DNAH14: variants seen among roughly 807,000 people sequenced by gnomAD.
DNAH14 encodes the protein axonemal beta dynein heavy chain 14.
A neutral mutation model predicts 520.9 loss-of-function variants in DNAH14; 478 were observed. The ratio of observed to expected loss-of-function variants is 0.92; its 90% CI spans 0.85 to 0.99. The LOEUF (loss-of-function observed/expected upper bound fraction) is 0.99. Among genes scored for constraint, DNAH14 ranks in the 50% least tolerant of loss-of-function variants. The probability of loss-of-function intolerance (pLI) is 0.00; values close to 1 mark genes in which losing one functional copy is unlikely to be tolerated. For missense variants in DNAH14, 4,831 were observed against 5,234.5 expected (o/e 0.92, Z 2.38); for synonymous variants, 1,581 against 1,757.2 (o/e 0.90, Z 2.51).
intron 4 of DNAH14, chr1:224,961,214 C>T (rs2060824146): frequency 6.6e-6 from 1 of 152,096 alleles, no homozygotes; most frequent in Admixed American, 6.6e-5. Flanking sequence ...AATAGAGCCT[C>T]CAAATGAGAA....
At chr1:225,128,839 A>G (rs1209246446) in intron 27 of DNAH14, among the ~76,000 whole-genome samples, 2 of 151,168 alleles carry the variant, frequency 1.3e-5, no homozygotes, top group Non-Finnish European at 2.9e-5. Flanking sequence ...GGAGAATGAA[A>G]TAAAGAGTAT....
chr1:224,990,559 T>C (rs2062967013), intron 8 of DNAH14, among the ~76,000 whole-genome samples: 1 of 152,224 alleles, frequency 6.6e-6, no homozygotes, highest in African/African-American at 2.4e-5. Flanking sequence ...ACATGTGTCA[T>C]TTGTTTTTTT....
chr1:225,100,878 C>T lies in DNAH14; in HGVS notation c.3861C>T (p.Ser1287=). 3 of 1,495,254 alleles carry T rather than the reference C, an allele frequency of 2.0e-6. No homozygotes were observed. Among genetic ancestry groups the T allele is most frequent in the Non-Finnish European group, 2.7e-6 (3 of 1,129,224 alleles). 92.6% of individuals were successfully genotyped at this position (1,495,254 alleles called of 1,614,324 possible). ...CNIHLEHIKK[S]LEDYLEVKRL... ...TACATCTTGAACATATAAAGAAAAGCCTTGAGGTAAAACTATAGCAATTCT... is the reference window on the plus strand; with the variant it reads ...TACATCTTGAACATATAAAGAAAAGTCTTGAGGTAAAACTATAGCAATTCT... Residue 1287 remains serine (S), a synonymous_variant, in exon 23 of 86, where the codon AGC becomes AGT. Transcript: ENST00000682510.
chr1:225,185,610 TA>T (rs1435662630), intron 37 of DNAH14, among the ~76,000 whole-genome samples, 185 bp downstream of exon 37: 1 of 152,002 alleles, frequency 6.6e-6, no homozygotes, highest in African/African-American at 2.4e-5. Flanking sequence ...ATTACTAGTT[TA>T]AAGAAACTAT....
At chr1:225,019,290 A>C (rs962341954) in intron 10 of DNAH14, among the ~76,000 whole-genome samples, 1 of 152,220 alleles carries the variant, frequency 6.6e-6, no homozygotes, top group African/African-American at 2.4e-5. Flanking sequence ...ATCAGCTAAA[A>C]CAGACCTTAA....
Position 225,153,798 on chromosome 1 carries a change from G to C in DNAH14, c.5245G>C (p.Ala1749Pro). 6.5e-7 allele frequency: 1 copy of C among 1,549,688 alleles called. No homozygotes were observed. Among genetic ancestry groups the C allele is most frequent in the Non-Finnish European group, 8.7e-7 (1 of 1,145,834 alleles). Residue 1749 changes from alanine to proline, a missense_variant, in exon 34 of 86, where the codon GCT becomes CCT. Coordinates refer to ENST00000682510, the MANE Select transcript of DNAH14 (RefSeq NM_001367479.1). ...ATCTCTGAAGATAGTTTTAATAATGGCTGGAACGAAGAAACGGGAGTTTAA... is the reference window on the plus strand; with the variant it reads ...ATCTCTGAAGATAGTTTTAATAATGCCTGGAACGAAGAAACGGGAGTTTAA... Reference protein sequence around the residue: ...LRSLKIVLIMAGTKKREFKCD... With the variant: ...LRSLKIVLIMPGTKKREFKCD...
chr1:225,127,608 A>G (rs2148923483), intron 27 of DNAH14, among the ~76,000 whole-genome samples: 1 of 152,122 alleles, frequency 6.6e-6, no homozygotes, highest in Non-Finnish European at 1.5e-5. Flanking sequence ...GTGTCTCTGC[A>G]CGTGAGATGG....
chr1:225,076,135 T>C (rs2072249418), intron 17 of DNAH14, among the ~76,000 whole-genome samples: 1 of 152,210 alleles, frequency 6.6e-6, no homozygotes, highest in Admixed American at 6.5e-5. Flanking sequence ...CTGGGGTCAC[T>C]GGGCTTAGTC....
chr1:225,052,440 G>A (rs2068628305), intron 17 of DNAH14, among the ~76,000 whole-genome samples: 1 of 152,128 alleles, frequency 6.6e-6, no homozygotes, highest in East Asian at 1.9e-4. Flanking sequence ...ACCCTCAGTT[G>A]TACCTCAGAC....
Position 224,939,442 on chromosome 1 carries a change from G to A in DNAH14, c.-34+9607G>A, listed in dbSNP as rs527653369. Among the ~76,000 whole-genome samples the A allele has an allele frequency of 2.5e-3, 380 of 152,156 alleles. 2 individuals are homozygous for A. The highest frequency in any genetic ancestry group is 8.4e-3 in the African/African-American group (350 of 41,500). ...TCCCAGCACTTTGGGATGCCCAGGT[G>A]GGTGGATCACGAGGTCAGGAGATTG... On this transcript the variant is annotated intron_variant, in intron 1 of 85. Transcript: ENST00000682510.
At position 225,177,369 on chromosome 1, in the gene DNAH14, G is replaced by A. The variant is rs183409856; in HGVS notation, c.5536-7922G>A. Among the ~76,000 whole-genome samples the A allele has an allele frequency of 3.5e-3, 533 of 152,274 alleles. 4 individuals are homozygous for A. The highest frequency in any genetic ancestry group is 0.012 in the African/African-American group (516 of 41,546). Reference sequence around the variant, plus strand: ...TAAAAGTTTGGAAAATTTGCAGCCTGACAATGCGATAGAAAAGAAAATCTC... The same window carrying A: ...TAAAAGTTTGGAAAATTTGCAGCCTAACAATGCGATAGAAAAGAAAATCTC... On this transcript the variant is annotated intron_variant, in intron 36 of 85. Transcript: ENST00000682510.
intron 44 of DNAH14, among the ~76,000 whole-genome samples, chr1:225,255,318 A>G (rs2092696536): frequency 6.6e-6 from 1 of 152,202 alleles, no homozygotes; most frequent in African/African-American, 2.4e-5. Flanking sequence ...AAAGAATTAC[A>G]TGTGATTTTG....
In DNAH14 at chr1:225,205,973, T is replaced by G; in HGVS notation, c.5980T>G (p.Phe1994Val). Reference protein sequence around the residue: ...KVVKIPENHNFDWQWIILDGP... With the variant: ...KVVKIPENHNVDWQWIILDGP... ...ATTAAAAATATTTTTCTCTCCAGAT[T>G]TTGATTGGCAGTGGATTATCCTAGA... The change falls in exon 40 of 86, where the codon TTT (phenylalanine) becomes GTT (valine). Residue 1994 changes from phenylalanine (F) to valine (V), a missense_variant and splice_region_variant. By Grantham distance (50) the Phe-to-Val change is conservative. Coordinates refer to ENST00000682510, the MANE Select transcript of DNAH14 (RefSeq NM_001367479.1). The G allele has an allele frequency of 6.5e-7, 1 of 1,549,758 alleles. No homozygotes were observed. Among genetic ancestry groups the G allele is most frequent in the Non-Finnish European group, 8.7e-7 (1 of 1,146,160 alleles).
chr1:225,178,581 G>A (rs895729332), intron 36 of DNAH14, among the ~76,000 whole-genome samples: 2 of 152,124 alleles, frequency 1.3e-5, no homozygotes, highest in African/African-American at 2.4e-5. Context: ...TCCGATGCCT[G>A]TACCCCCATT....
intron 55 of DNAH14, among the ~76,000 whole-genome samples, chr1:225,290,394 A>T (rs1361454147): frequency 6.6e-6 from 1 of 151,722 alleles, no homozygotes; most frequent in African/African-American, 2.4e-5. Context: ...CATCTGTCTT[A>T]TATCAGAACT....
chr1:224,941,622 C>T (rs2449327), intron 1 of DNAH14, among the ~76,000 whole-genome samples: 22,978 of 152,082 alleles, frequency 0.15, 3,200 homozygotes, highest in African/African-American at 0.36. Context: ...GGTTTTCTTC[C>T]AGGGTTTTTA....
intron 60 of DNAH14, among the ~76,000 whole-genome samples, chr1:225,309,575 G>T (rs1189718088): frequency 6.6e-6 from 1 of 152,078 alleles, no homozygotes; most frequent in Admixed American, 6.6e-5. Flanking sequence ...ACCACCTGAA[G>T]GTGCCACTGT....
intron 55 of DNAH14, among the ~76,000 whole-genome samples, chr1:225,300,656 G>C (rs186262185): frequency 5.4e-4 from 82 of 151,902 alleles, no homozygotes; most frequent in South Asian, 1.0e-3. Flanking sequence ...AGTGAGCCAT[G>C]ACTATGCCAC....
At chr1:225,115,268 A>T (rs1356274114) in intron 23 of DNAH14, among the ~76,000 whole-genome samples, 1 of 152,242 alleles carries the variant, frequency 6.6e-6, no homozygotes, top group Non-Finnish European at 1.5e-5. Flanking sequence ...AAGCCAGCAC[A>T]GCACTGAGTC....
Sources: allele counts gnomAD v4.1 joint callset (sites outside exome capture counted in the v4.1 genomes callset), GRCh38; gene constraint gnomAD v4.1.1; transcripts MANE v1.5; gene names NCBI Gene and HGNC (gene_info 2026-07-23, HGNC 2026-07-21).